The following PCLAF variants were observed in gnomAD, a reference collection of about 807,000 sequenced individuals.
PCLAF encodes PCNA clamp associated factor.
In PCLAF, 12 loss-of-function variants were observed where a neutral mutation model predicts 15.1. That is an observed-to-expected ratio of 0.79 (90% CI 0.51 to 1.29). The LOEUF is 1.29. Among genes scored for constraint, PCLAF ranks in the 50% most tolerant of loss-of-function variants. The pLI is 0.00. For missense variants in PCLAF, 116 were observed against 130.9 expected (o/e 0.89, Z 0.56); for synonymous variants, 33 against 47.1 (o/e 0.70, Z 1.22).
Position 64,376,879 on chromosome 15 carries a change from G to T in PCLAF, c.154C>A (p.Pro52Thr). 2 of 1,613,472 alleles carry T rather than the reference G, an allele frequency of 1.2e-6. No individual in the cohort carries two copies. The highest frequency in any genetic ancestry group is 1.3e-5 in the African/African-American group (1 of 74,912). Residue 52 changes from proline to threonine, a missense_variant, in exon 3 of 4, where the codon CCC becomes ACC. By Grantham distance (38) the Pro-to-Thr change is conservative. Coordinates refer to ENST00000300035, the MANE Select transcript of PCLAF (RefSeq NM_014736.6). ...TTGGGAGTTGGGCGCACGCAAACGG[G>T]GTTCCCTCCTGCATATTTATTTTCA... ...KAENKYAGGNPVCVRPTPKWQ... is the reference protein window; with the variant it reads ...KAENKYAGGNTVCVRPTPKWQ...
upstream of PCLAF, among the ~76,000 whole-genome samples, chr15:64,383,371 G>GT (rs763173670): frequency 0.075 from 10,607 of 141,968 alleles, 407 homozygotes; most frequent in South Asian, 0.11. Context: ...TTGTGTGTGT[G>GT]TTTTTTTTTT....
At chr15:64,378,837 G>C (rs145641128) in intron 2 of PCLAF, among the ~76,000 whole-genome samples, 10 of 151,920 alleles carry the variant, frequency 6.6e-5, no homozygotes, top group Non-Finnish European at 1.5e-4. Context: ...CTTGAACCCG[G>C]GAGGCGGAGG....
chr15:64,372,613 C>CA (rs1009294402), intron 3 of PCLAF, among the ~76,000 whole-genome samples: 14 of 149,906 alleles, frequency 9.3e-5, no homozygotes, highest in African/African-American at 3.4e-4. Context: ...GACTCCATCT[C>CA]AAAAAAAGAA....
intron 3 of PCLAF, chr15:64,373,550 G>A (rs1471632697): frequency 7.5e-6 from 10 of 1,342,036 alleles, no homozygotes; most frequent in East Asian, 2.8e-5. Context: ...ACCGGCTGTA[G>A]GCTGTAGGGC....
chr15:64,370,172 G>A (rs143210590), intron 3 of PCLAF, among the ~76,000 whole-genome samples: 1,994 of 150,892 alleles, frequency 0.013, 22 homozygotes, highest in Non-Finnish European at 0.022. Flanking sequence ...TCGAATGCCT[G>A]GGCTCAAGCG....
intron 2 of PCLAF, among the ~76,000 whole-genome samples, chr15:64,377,512 T>A (rs866811487): frequency 0.012 from 951 of 76,720 alleles, 185 homozygotes; most frequent in African/African-American, 0.024. Context: ...TATATATATA[T>A]ATATATATAT....
In PCLAF at chr15:64,365,855, G is replaced by T. The variant is rs1325709145; in HGVS notation, c.*175C>A. 1.6e-6 allele frequency: 1 copy of T among 617,154 alleles called. No individual in the cohort carries two copies. Among genetic ancestry groups the T allele is most frequent in the Non-Finnish European group, 2.8e-6 (1 of 351,878 alleles). The allele number at this position is 617,154 out of a possible 1,614,324, so 38.2% of individuals were successfully genotyped here. On this transcript the variant is annotated 3_prime_UTR_variant, in exon 4 of 4. Coordinates refer to ENST00000300035, the MANE Select transcript of PCLAF (RefSeq NM_014736.6). ...ATACTAAGCTAAGTTACCATAATTA[G>T]TCTTACAAATTCTCAAATTTCACAA...
At chr15:64,380,226 C>CA (rs1899768149) in intron 2 of PCLAF, among the ~76,000 whole-genome samples, 1 of 151,448 alleles carries the variant, frequency 6.6e-6, no homozygotes. Flanking sequence ...ACTAAAAATA[C>CA]AAAAAAATTA....
At chr15:64,380,826 A>T in intron 2 of PCLAF, 132 bp downstream of exon 2, 1 of 717,296 alleles carries the variant, frequency 1.4e-6, no homozygotes. Context: ...CAAAAGGCCC[A>T]GCCTCTCTTA....
intron 3 of PCLAF, among the ~76,000 whole-genome samples, chr15:64,367,022 T>C (rs1479266127): frequency 1.3e-5 from 2 of 151,464 alleles, no homozygotes; most frequent in Non-Finnish European, 1.5e-5. Flanking sequence ...TTTCAGCGAC[T>C]CAGGAGGCCT....
Position 64,376,780 on chromosome 15 carries a change from C to T in PCLAF, c.253G>A (p.Glu85Lys), listed in dbSNP as rs1036414910. ...TTTCCTAAGCCACTGCTTCCTGCCT[C>T]TTCAGGAATCTGATTCTCTTTTTCA... ...DSEKENQIPEEAGSSGLGKAK... is the reference protein window; with the variant it reads ...DSEKENQIPEKAGSSGLGKAK... The change falls in exon 3 of 4, where the codon GAG becomes AAG. Residue 85 changes from glutamate to lysine, a missense_variant. Physicochemically the swap from Glu to Lys is moderately conservative, Grantham distance 56. Coordinates refer to ENST00000300035, the MANE Select transcript of PCLAF (RefSeq NM_014736.6). 6.2e-7 allele frequency: 1 copy of T among 1,613,746 alleles called. No homozygotes were observed. The highest frequency in any genetic ancestry group is 8.5e-7 in the Non-Finnish European group (1 of 1,179,744).
intron 3 of PCLAF, among the ~76,000 whole-genome samples, chr15:64,371,508 C>T (rs967721168): frequency 3.6e-4 from 55 of 152,258 alleles, no homozygotes; most frequent in African/African-American, 1.3e-3. Flanking sequence ...TCAGGTGATC[C>T]GCCGGCCTAG....
chr15:64,374,728 T>C (rs963058979), intron 3 of PCLAF, among the ~76,000 whole-genome samples: 2 of 151,032 alleles, frequency 1.3e-5, no homozygotes, highest in African/African-American at 4.9e-5. Context: ...TGCCTGTAAT[T>C]CCAGCTACTT....
chr15:64,384,797 G>T (rs1374091478), upstream of PCLAF, among the ~76,000 whole-genome samples: 1 of 151,808 alleles, frequency 6.6e-6, no homozygotes, highest in Non-Finnish European at 1.5e-5. Context: ...TGCTAAATGG[G>T]TGTGCTTGCA....
chr15:64,368,045 T>C (rs908724291), intron 3 of PCLAF, among the ~76,000 whole-genome samples: 9 of 151,868 alleles, frequency 5.9e-5, no homozygotes, highest in Non-Finnish European at 2.9e-5. Flanking sequence ...TCAGATTTGG[T>C]ATAAGATTAT....
chr15:64,375,055 T>C (rs1899552202), intron 3 of PCLAF, among the ~76,000 whole-genome samples: 1 of 152,164 alleles, frequency 6.6e-6, no homozygotes. Context: ...GTATTATTCC[T>C]AGTTGGTTCT....
At chr15:64,381,304 G>T (rs1450038240) in intron 1 of PCLAF, 22 bp downstream of exon 1, 1 of 1,613,746 alleles carries the variant, frequency 6.2e-7, no homozygotes, top group Non-Finnish European at 8.5e-7. Flanking sequence ...CCGCCCTCCA[G>T]TACCACACTC....
chr15:64,374,364 C>A (rs1899500790), intron 3 of PCLAF, among the ~76,000 whole-genome samples: 1 of 150,740 alleles, frequency 6.6e-6, no homozygotes, highest in African/African-American at 2.4e-5. Context: ...CGGTGAAATC[C>A]CATCTCTACT....
At chr15:64,373,915 C>T in intron 3 of PCLAF, 1 of 631,120 alleles carries the variant, frequency 1.6e-6, no homozygotes, top group African/African-American at 1.9e-5. Context: ...TTATTAATTA[C>T]AAATCTATAA....
Sources: gnomAD v4.1 joint callset for allele counts (sites outside exome capture counted in the v4.1 genomes callset) on GRCh38, gnomAD v4.1.1 for gene constraint, MANE v1.5 for transcripts, NCBI Gene and HGNC (gene_info 2026-07-23, HGNC 2026-07-21) for gene names.